CTC1: variants seen among roughly 807,000 people sequenced by gnomAD.
The protein encoded by CTC1 is CST complex subunit CTC1.
CTC1 carries 91 observed loss-of-function variants against 136.3 expected under a neutral mutation model. The ratio of observed to expected loss-of-function variants is 0.67; its 90% CI spans 0.56 to 0.79. The LOEUF is 0.79. Ranked by LOEUF, CTC1 falls within the 30% of genes least tolerant of loss-of-function variation. The probability of loss-of-function intolerance (pLI) is 0.00; values close to 1 mark genes in which losing one functional copy is unlikely to be tolerated. For missense variants in CTC1, 1,432 were observed against 1,498.1 expected (o/e 0.96, Z 0.73); for synonymous variants, 606 against 613.8 (o/e 0.99, Z 0.19).
chr17:8,228,577 G>C lies in CTC1; in HGVS notation c.3440C>G (p.Thr1147Ser), dbSNP rs771446414. 6.8e-6 allele frequency: 11 copies of C among 1,614,188 alleles called. No individual in the cohort carries two copies. Among genetic ancestry groups the C allele is most frequent in the East Asian group, 2.2e-5 (1 of 44,892 alleles). The change falls in exon 22 of 23, where the codon ACT becomes AGT. Residue 1147 changes from threonine to serine, a missense_variant. Coordinates refer to ENST00000651323, the MANE Select transcript of CTC1 (RefSeq NM_025099.6). ...AATAGGACGGAGGACAGAGGGGCTA[G>C]TACAAAGTGTCCAGAGGAACATGGT... ...PMTMFLWTLCTSPSVLRPIVL... is the reference protein window; with the variant it reads ...PMTMFLWTLCSSPSVLRPIVL...
intron 1 of CTC1, 78 bp downstream of exon 1, chr17:8,247,926 G>A: frequency 1.4e-6 from 2 of 1,479,368 alleles, no homozygotes; most frequent in Non-Finnish European, 1.9e-6. Context: ...AGAGAGACAA[G>A]GCAGAGGAAA....
chr17:8,243,490 G>C (rs1988445607), intron 1 of CTC1, among the ~76,000 whole-genome samples: 1 of 150,816 alleles, frequency 6.6e-6, no homozygotes, highest in African/African-American at 2.4e-5. Context: ...TTGCACTCCA[G>C]CCTGGGCAAC....
intron 1 of CTC1, among the ~76,000 whole-genome samples, chr17:8,246,687 C>G (rs1988741153): frequency 6.6e-6 from 1 of 151,982 alleles, no homozygotes; most frequent in East Asian, 1.9e-4. Flanking sequence ...GAGATCGAGA[C>G]CATCCTGGCT....
chr17:8,235,951 G>T lies in CTC1; in HGVS notation c.1086C>A (p.Val362=). Residue 362 remains valine, a synonymous_variant, in exon 7 of 23, where the codon GTC becomes GTA. Coordinates refer to ENST00000651323, the MANE Select transcript of CTC1 (RefSeq NM_025099.6). ...CAGCGGGCTCATTCAACACGCCAGT[G>T]ACTGCTCCCTGCAAACAGGCCGAGG... ...YSRLLSYSGA[V]TGVLNEPAGL... 1 of 1,605,684 alleles carries T rather than the reference G, an allele frequency of 6.2e-7. No individual in the cohort carries two copies.
At chr17:8,245,132 G>C (rs1269436735) in intron 1 of CTC1, among the ~76,000 whole-genome samples, 1 of 152,036 alleles carries the variant, frequency 6.6e-6, no homozygotes, top group Non-Finnish European at 1.5e-5. Context: ...GGAAATAACA[G>C]ACACTGGGTC....
At position 8,228,483 on chromosome 17, in the gene CTC1, C is replaced by A. The variant is rs1986909593; in HGVS notation, c.3514+20G>T. 1 of 1,613,806 alleles carries A rather than the reference C, an allele frequency of 6.2e-7. No individual in the cohort carries two copies. Among genetic ancestry groups the A allele is most frequent in the Non-Finnish European group, 8.5e-7 (1 of 1,179,918 alleles). On this transcript the variant is annotated intron_variant, in intron 22 of 22. Transcript: ENST00000651323. ...ACCATGATCCCCCTATCATCATGAT[C>A]CCCCCGTCTCCAACCTTACCTAATG...
At chr17:8,234,971 C>T (rs1263728903) in intron 8 of CTC1, 45 bp from the exon 9 acceptor site, 1 of 1,593,418 alleles carries the variant, frequency 6.3e-7, no homozygotes, top group South Asian at 1.1e-5. Context: ...GAAGAGCCTG[C>T]CTCTTCAAGA....
intron 11 of CTC1, 185 bp downstream of exon 11, chr17:8,232,721 A>C: frequency 1.3e-6 from 1 of 783,404 alleles, no homozygotes; most frequent in Admixed American, 2.3e-5. Context: ...GCATGCTGGA[A>C]ATTCTGGCTA....
intron 1 of CTC1, among the ~76,000 whole-genome samples, chr17:8,247,128 G>A (rs1472053134): frequency 2.0e-5 from 3 of 151,348 alleles, no homozygotes; most frequent in Admixed American, 6.6e-5. Context: ...GATTACCGGC[G>A]TGTGCCACCA....
intron 2 of CTC1, among the ~76,000 whole-genome samples, chr17:8,239,726 G>C (rs1194275310): frequency 6.6e-6 from 1 of 151,866 alleles, no homozygotes; most frequent in Non-Finnish European, 1.5e-5. Context: ...CCGGCCCCAT[G>C]ATTTTTTTTA....
chr17:8,234,348 G>A (rs1342932670), intron 10 of CTC1, 107 bp downstream of exon 10: 2 of 1,071,474 alleles, frequency 1.9e-6, no homozygotes, highest in African/African-American at 1.6e-5. Context: ...TGCTTAGAAG[G>A]CTAGTGTAGT....
intron 15 of CTC1, chr17:8,230,949 C>A: frequency 2.1e-6 from 1 of 482,104 alleles, no homozygotes; most frequent in Admixed American, 3.7e-5. Flanking sequence ...CCAGCCTGGC[C>A]AACATGACGA....
chr17:8,226,267 T>G lies in CTC1; in HGVS notation c.*1913A>C, dbSNP rs1045049738. The stretch of plus-strand genomic sequence containing the variant: ...GCTGGGATTCGAACCCAGGATCTCC[T>G]GTTTACTAGACAGGCGCTTTAACCA... On this transcript the variant is annotated 3_prime_UTR_variant, in exon 23 of 23. Transcript: ENST00000651323. 6.6e-6 allele frequency: 1 copy of G among 152,336 alleles called. No homozygotes were observed. The highest frequency in any genetic ancestry group is 2.4e-5 in the African/African-American group (1 of 41,458). The allele number at this position is 152,336 out of a possible 1,614,324, so 9.4% of individuals were successfully genotyped here.
At chr17:8,234,697 C>A in intron 9 of CTC1, 42 bp from the exon 10 acceptor site, 1 of 1,584,606 alleles carries the variant, frequency 6.3e-7, no homozygotes, top group Admixed American at 1.7e-5. Context: ...GTCCCATGGG[C>A]CCCAGGTGTC....
chr17:8,248,039 T>C lies in CTC1; in HGVS notation c.-3A>G. ...ACCTGGGCCCGGCCAGCCGCCATGA[T>C]GCGCCGGAGCTCCGCCCCCGGGAGG... On this transcript the variant is annotated 5_prime_UTR_variant, in exon 1 of 23. Coordinates refer to ENST00000651323, the MANE Select transcript of CTC1 (RefSeq NM_025099.6). 1 of 1,353,698 alleles carries C rather than the reference T, an allele frequency of 7.4e-7. No individual in the cohort carries two copies. Among genetic ancestry groups the C allele is most frequent in the East Asian group, 4.7e-5 (1 of 21,164 alleles). 83.9% of individuals were successfully genotyped at this position (1,353,698 alleles called of 1,614,324 possible). A position where few individuals can be genotyped will look rare whatever the true frequency, so the allele number is the denominator to read the frequency against.
intron 20 of CTC1, 55 bp downstream of exon 20, chr17:8,229,087 G>T: frequency 6.4e-7 from 1 of 1,573,076 alleles, no homozygotes; most frequent in South Asian, 1.1e-5. Flanking sequence ...ACTGCAGATA[G>T]ACAAAGTGGT....
rs181180813 is a variant in CTC1, at chr17:8,231,060, G to A, written c.2669+216C>T. On this transcript the variant is annotated intron_variant, in intron 15 of 22. Transcript: ENST00000651323. ...GGAGGCTGATGCAGGATAATCCTTCGAACCAGGGAAGTAGAGGTTTCAGTG... is the reference window on the plus strand; with the variant it reads ...GGAGGCTGATGCAGGATAATCCTTCAAACCAGGGAAGTAGAGGTTTCAGTG... The A allele has an allele frequency of 1.1e-4, 54 of 500,552 alleles. No homozygotes were observed. The Admixed American group carries it at 1.4e-3, about 13-fold the overall frequency. 31.0% of individuals were successfully genotyped at this position (500,552 alleles called of 1,614,324 possible). A position where few individuals can be genotyped will look rare whatever the true frequency, so the allele number is the denominator to read the frequency against.
intron 2 of CTC1, among the ~76,000 whole-genome samples, chr17:8,241,387 G>A (rs540395850): frequency 3.0e-4 from 46 of 151,994 alleles, no homozygotes; most frequent in African/African-American, 1.0e-3. Flanking sequence ...CTGGAAGACC[G>A]AGACGGCAGA....
chr17:8,229,363 A>T lies in CTC1; in HGVS notation c.3095T>A (p.Val1032Asp). The T allele has an allele frequency of 6.2e-7, 1 of 1,614,230 alleles. No individual in the cohort carries two copies. The highest frequency in any genetic ancestry group is 1.1e-5 in the South Asian group (1 of 91,088). Residue 1032 changes from valine (V) to aspartate (D), a missense_variant, in exon 19 of 23, where the codon GTC (valine) becomes GAC (aspartate). Transcript: ENST00000651323. ...PFQATASCHI[V>D]SVFSLQLFWV... ...GAAGAGCTGAAGGCTGAAGACAGAG[A>T]CGATATGGCAAGAGGCAGTGGCCTG...
Sources: gnomAD v4.1 joint callset for allele counts (sites outside exome capture counted in the v4.1 genomes callset) on GRCh38, gnomAD v4.1.1 for gene constraint, MANE v1.5 for transcripts, NCBI Gene and HGNC (gene_info 2026-07-23, HGNC 2026-07-21) for gene names.